ARHGEF10: variants seen among roughly 807,000 people sequenced by gnomAD.
ARHGEF10 encodes Rho guanine nucleotide exchange factor 10, also known as Rho guanine nucleotide exchange factor (GEF) 10.
Under a neutral mutation model 147.4 loss-of-function variants are expected in ARHGEF10, and 140 were observed. The observed-to-expected ratio is 0.95, with a 90% CI of 0.83 to 1.09. The LOEUF (loss-of-function observed/expected upper bound fraction) is 1.09. ARHGEF10 is among the 50% of genes least tolerant of loss of function. ARHGEF10 has a pLI of 0.00. For missense variants in ARHGEF10, 2,222 were observed against 1,752.7 expected (o/e 1.27, Z -4.78); for synonymous variants, 902 against 695.8 (o/e 1.30, Z -4.67).
rs200222483 is a variant in ARHGEF10 at position 1,928,601 on chromosome 8, G to A, written c.2872G>A (p.Val958Met). 50 of 1,614,092 alleles carry A rather than the reference G, an allele frequency of 3.1e-5. 1 individual carries two copies. The highest frequency in any genetic ancestry group is 3.6e-5 in the Non-Finnish European group (42 of 1,180,048). ...ACCCCCGGACCCCGAGACCCCGGCC[G>A]TGAGAGCTTCTGATGTCCCCACGAT... The part of the protein sequence containing the change: ...GAPPDPETPA[V>M]RASDVPTICV... Residue 958 changes from valine (V) to methionine (M), a missense_variant, in exon 24 of 29, where the codon GTG becomes ATG. Coordinates refer to ENST00000349830, the MANE Select transcript of ARHGEF10 (RefSeq NM_014629.4).
At chr8:1,889,767 G>GGAGACAGTGGGGTGAGGGGTCTGTGAC (rs1809269378) in intron 11 of ARHGEF10, among the ~76,000 whole-genome samples, 2 of 78,976 alleles carry the variant, frequency 2.5e-5, no homozygotes, top group East Asian at 4.5e-4. Context: ...AGGGTTGTGA[G>GGAGACAGTGGGGTGAGGGGTCTGTGAC]GAGACACTGA....
chr8:1,832,782 A>ACAGAGG (rs1803256782), intron 1 of ARHGEF10, among the ~76,000 whole-genome samples: 1 of 113,750 alleles, frequency 8.8e-6, no homozygotes, highest in East Asian at 2.7e-4. Context: ...AGAGGCAGAG[A>ACAGAGG]CAGAGAGAGA....
Position 1,928,568 on chromosome 8 carries a change from C to G in ARHGEF10, c.2839C>G (p.Pro947Ala). ...YVPVEEKRREPGAPPDPETPA... is the reference protein window; with the variant it reads ...YVPVEEKRREAGAPPDPETPA... ...TCCCGTCGAGGAGAAGCGCAGAGAG[C>G]CTGGGGCACCCCCGGACCCCGAGAC... Residue 947 changes from proline to alanine, a missense_variant, in exon 24 of 29, where the codon CCT becomes GCT. By Grantham distance (27) the Pro-to-Ala change is conservative. Coordinates refer to ENST00000349830, the MANE Select transcript of ARHGEF10 (RefSeq NM_014629.4). 1 of 1,614,192 alleles carries G rather than the reference C, an allele frequency of 6.2e-7. No individual in the cohort carries two copies. The highest frequency in any genetic ancestry group is 1.1e-5 in the South Asian group (1 of 91,076).
At chr8:1,915,672 C>T (rs1403774332) in intron 18 of ARHGEF10, among the ~76,000 whole-genome samples, 3 of 152,240 alleles carry the variant, frequency 2.0e-5, no homozygotes, top group African/African-American at 4.8e-5. Context: ...TCTCCCGTTA[C>T]CTCAGGGACA....
At chr8:1,829,381 C>T (rs1454795839) in intron 1 of ARHGEF10, among the ~76,000 whole-genome samples, 2 of 152,250 alleles carry the variant, frequency 1.3e-5, no homozygotes, top group African/African-American at 4.8e-5. Flanking sequence ...GGCCTGTGGG[C>T]GGTTGCCCTG....
intron 18 of ARHGEF10, among the ~76,000 whole-genome samples, chr8:1,915,349 C>T (rs192751826): frequency 6.6e-6 from 1 of 152,288 alleles, no homozygotes; most frequent in African/African-American, 2.4e-5. Flanking sequence ...AAAATGTGTC[C>T]ATGAGTTATT....
chr8:1,834,291 T>C (rs980540242), intron 1 of ARHGEF10, among the ~76,000 whole-genome samples: 1 of 152,206 alleles, frequency 6.6e-6, no homozygotes, highest in African/African-American at 2.4e-5. Context: ...ACTGAATGCA[T>C]TTGCTTCTCT....
At chr8:1,910,931 A>G (rs959190531) in intron 18 of ARHGEF10, among the ~76,000 whole-genome samples, 1 of 152,164 alleles carries the variant, frequency 6.6e-6, no homozygotes, top group Non-Finnish European at 1.5e-5. Flanking sequence ...TCATCTTATT[A>G]TTTATGATTT....
At chr8:1,843,905 G>A (rs1408443316) in intron 2 of ARHGEF10, among the ~76,000 whole-genome samples, 1 of 152,184 alleles carries the variant, frequency 6.6e-6, no homozygotes, top group Non-Finnish European at 1.5e-5. Flanking sequence ...GCTCCAATAA[G>A]GGAGGGCCTG....
chr8:1,888,523 G>C (rs1809003440), intron 11 of ARHGEF10, among the ~76,000 whole-genome samples: 1 of 136,038 alleles, frequency 7.4e-6, no homozygotes, highest in Non-Finnish European at 1.5e-5. Context: ...AGTGGGGTGA[G>C]GGGTCTGTGA....
At chr8:1,859,871 C>G in intron 3 of ARHGEF10, 26 bp from the exon 4 acceptor site, 1 of 1,613,584 alleles carries the variant, frequency 6.2e-7, no homozygotes, top group Non-Finnish European at 8.5e-7. Context: ...GATGTGTCTG[C>G]TGACAAGTCC....
chr8:1,942,899 C>T (rs564364328), intron 26 of ARHGEF10, among the ~76,000 whole-genome samples: 19 of 152,076 alleles, frequency 1.2e-4, no homozygotes, highest in African/African-American at 3.9e-4. Context: ...AGAGACAGAA[C>T]GTGGATGGGA....
rs561862610 is a variant in ARHGEF10, at chr8:1,929,906, T to C, written c.3079+463T>C. Among the ~76,000 whole-genome samples, 48 of 152,330 alleles carry C rather than the reference T, an allele frequency of 3.2e-4. 1 individual carries two copies. The highest frequency in any genetic ancestry group is 1.1e-3 in the African/African-American group (46 of 41,584). On this transcript the variant is annotated intron_variant, in intron 25 of 28. Transcript: ENST00000349830. ...AAGGACTCCATTGTGTTCTGCTGGG[T>C]GCCTTAGACGAGGCCCTCCCTGGCC...
intron 28 of ARHGEF10, 84 bp downstream of exon 28, chr8:1,952,911 C>T (rs1301960669): frequency 1.9e-6 from 3 of 1,574,688 alleles, no homozygotes; most frequent in Non-Finnish European, 2.6e-6. Flanking sequence ...ATTTAACATC[C>T]TAGGATTCTT....
chr8:1,897,848 C>T (rs931171918), intron 14 of ARHGEF10, among the ~76,000 whole-genome samples: 2 of 152,168 alleles, frequency 1.3e-5, no homozygotes, highest in Admixed American at 6.5e-5. Flanking sequence ...CTCTCTCATC[C>T]CATTTCATTG....
intron 10 of ARHGEF10, among the ~76,000 whole-genome samples, chr8:1,885,060 C>G (rs1291013778): frequency 6.6e-6 from 1 of 152,198 alleles, no homozygotes; most frequent in African/African-American, 2.4e-5. Flanking sequence ...CCACCCCACC[C>G]AACTGTGAAT....
chr8:1,863,712 G>T (rs982964504), intron 4 of ARHGEF10, among the ~76,000 whole-genome samples: 22 of 152,132 alleles, frequency 1.4e-4, no homozygotes, highest in Admixed American at 6.5e-5. Context: ...TCCTTGGATG[G>T]TCTAAGTTCG....
At chr8:1,952,676 C>T (rs745823953) in intron 27 of ARHGEF10, 29 bp from the exon 28 acceptor site, 145 of 1,612,628 alleles carry the variant, frequency 9.0e-5, no homozygotes, top group Non-Finnish European at 1.2e-4. Context: ...ACAAACCAGA[C>T]CCGAAGCCAC....
intron 11 of ARHGEF10, among the ~76,000 whole-genome samples, chr8:1,887,160 C>G (rs549484585): frequency 2.0e-5 from 3 of 152,328 alleles, no homozygotes; most frequent in South Asian, 2.1e-4. Flanking sequence ...GTGAGAGGAA[C>G]TTGGATCCTG....
Sources: gnomAD v4.1 joint callset for allele counts (sites outside exome capture counted in the v4.1 genomes callset) on GRCh38, gnomAD v4.1.1 for gene constraint, MANE v1.5 for transcripts, NCBI Gene and HGNC (gene_info 2026-07-23, HGNC 2026-07-21) for gene names.